Variants in GPR179 observed in about 807,000 individuals in gnomAD.
GPR179 encodes G protein-coupled receptor 179.
Under a neutral mutation model 70.8 loss-of-function variants are expected in GPR179, and 52 were observed. The observed-to-expected ratio is 0.73, with a 90% CI of 0.59 to 0.93. The LOEUF (loss-of-function observed/expected upper bound fraction) is 0.93, where lower values mean the gene tolerates loss of function less well. Among genes scored for constraint, GPR179 ranks in the 40% least tolerant of loss-of-function variants. The pLI is 0.00. For synonymous variants in GPR179, 1,123 were observed against 1,169.0 expected (o/e 0.96, Z 0.80); for missense variants, 2,734 against 2,966.8 (o/e 0.92, Z 1.82).
rs142339805 is a variant in GPR179, at chr17:38,335,009, C to A, written c.1645+24G>T. On this transcript the variant is annotated intron_variant, in intron 7 of 10. Coordinates refer to ENST00000616987, the MANE Select transcript of GPR179 (RefSeq NM_001004334.4). ...CACAGAGGCAGGGACCAGCGTAAGG[C>A]TGGGCTCAGCAGAAGCAGCTCACCC... is the stretch of plus-strand genomic sequence containing the variant. The A allele has an allele frequency of 1.3e-4, 206 of 1,601,054 alleles. 3 individuals are homozygous for A. In the East Asian group the frequency reaches 4.5e-3, roughly 35 times the overall value.
rs1244811108 is a variant in GPR179 at position 38,331,445 on chromosome 17, T to C, written c.2124A>G (p.Arg708=). ...GGCCCAGTCCCTGGCATGAGCTGCC[T>C]CGCTTCTTGGGCAGGTGGGGGTTGT... The part of the protein sequence containing the change: ...AANNPHLPKK[R]GSSCQGLGRS... The change falls in exon 11 of 11, where the codon CGA becomes CGG. Residue 708 remains arginine, a synonymous_variant. Transcript: ENST00000616987. The C allele has an allele frequency of 6.2e-7, 1 of 1,614,182 alleles. No homozygotes were observed. Among genetic ancestry groups the C allele is most frequent in the Non-Finnish European group, 8.5e-7 (1 of 1,180,004 alleles).
rs1567721677 is a variant in GPR179, at chr17:38,326,969, C to T, written c.6600G>A (p.Leu2200=). ...SGGLLPQSGA[L]DPELKVSPKE... ...TGGGGCTGACTTTGAGTTCTGGGTC[C>T]AGGGCACCTGACTGGGGCAAGAGCC... The change falls in exon 11 of 11, where the codon CTG becomes CTA. Residue 2200 remains leucine (L), a synonymous_variant. Coordinates refer to ENST00000616987, the MANE Select transcript of GPR179 (RefSeq NM_001004334.4). 1.2e-6 allele frequency: 2 copies of T among 1,614,114 alleles called. No homozygotes were observed. The highest frequency in any genetic ancestry group is 3.3e-5 in the Admixed American group (2 of 60,024).
chr17:38,329,140 C>T lies in GPR179; in HGVS notation c.4429G>A (p.Glu1477Lys). Residue 1477 changes from glutamate to lysine, a missense_variant, in exon 11 of 11, where the codon GAG becomes AAG. Coordinates refer to ENST00000616987, the MANE Select transcript of GPR179 (RefSeq NM_001004334.4). Reference protein sequence around the residue: ...AGDAPAIQKAEICPWELDDNV... With the variant: ...AGDAPAIQKAKICPWELDDNV... ...TCATCCAGCTCCCAGGGACAGATCT[C>T]TGCTTTCTGGATAGCAGGAGCATCT... 4 of 1,614,092 alleles carry T rather than the reference C, an allele frequency of 2.5e-6. No homozygotes were observed. The highest frequency in any genetic ancestry group is 3.4e-6 in the Non-Finnish European group (4 of 1,180,038).
Position 38,333,318 on chromosome 17 carries a change from C to A in GPR179, c.1970G>T (p.Gly657Val), listed in dbSNP as rs376146660. ...CEDELDLQHS[G>V]SYLGSSIASA... ...GGCGATGCTGCTGCCAAGGTAGGAG[C>A]CTGAGTGCTGCAGGTCCAGCTCGTC... is the stretch of plus-strand genomic sequence containing the variant. Residue 657 changes from glycine to valine, a missense_variant, in exon 10 of 11, where the codon GGC (glycine) becomes GTC (valine). By Grantham distance (109) the Gly-to-Val change is moderately radical (BLOSUM62 -3). Coordinates refer to ENST00000616987, the MANE Select transcript of GPR179 (RefSeq NM_001004334.4). The A allele has an allele frequency of 1.2e-6, 2 of 1,614,008 alleles. No individual in the cohort carries two copies. Among genetic ancestry groups the A allele is most frequent in the Non-Finnish European group, 8.5e-7 (1 of 1,179,966 alleles).
intron 10 of GPR179, among the ~76,000 whole-genome samples, chr17:38,332,419 G>T (rs914215097): frequency 1.3e-5 from 2 of 152,140 alleles, no homozygotes; most frequent in African/African-American, 4.8e-5. Flanking sequence ...TGATCCCCTT[G>T]AGCACAGAAA....
In GPR179 at chr17:38,343,537, C is replaced by T. The variant is rs748572984; in HGVS notation, c.253G>A (p.Ala85Thr). 30 of 1,613,758 alleles carry T rather than the reference C, an allele frequency of 1.9e-5. No individual in the cohort carries two copies. The highest frequency in any genetic ancestry group is 2.5e-5 in the Non-Finnish European group (30 of 1,180,004). Residue 85 changes from alanine (A) to threonine (T), a missense_variant, in exon 1 of 11, where the codon GCA becomes ACA. Transcript: ENST00000616987. The surrounding 1 kb of genome is among the most constrained non-coding windows in gnomAD (Gnocchi z 4.2). ...GGGGGGAGCCCTGGCATGGCTCCTGCCCCACGCGCTTCATAGCGCTCACTG... is the reference window on the plus strand; with the variant it reads ...GGGGGGAGCCCTGGCATGGCTCCTGTCCCACGCGCTTCATAGCGCTCACTG... The part of the protein sequence containing the change: ...NCSERYEARG[A>T]GAMPGLPPSL...
Position 38,335,720 on chromosome 17 carries a change from ATCTCTGCTC to A in GPR179, c.1297-29_1297-21del, listed in dbSNP as rs750710685. 1.5e-5 allele frequency: 23 copies of A among 1,506,778 alleles called. No homozygotes were observed. In the African/African-American group the frequency reaches 2.5e-4, roughly 16 times the overall value. 93.3% of individuals were successfully genotyped at this position (1,506,778 alleles called of 1,614,324 possible). ...GAAGACCTGGTGGGAAGGGGCAAAA[ATCTCTGCTC>A]TCTACTATGCTTCTGCTGTGGGCCA... On this transcript the variant is annotated intron_variant, in intron 5 of 10. Coordinates refer to ENST00000616987, the MANE Select transcript of GPR179 (RefSeq NM_001004334.4).
In GPR179 at chr17:38,335,157, C is replaced by T. The variant is rs1468264279; in HGVS notation, c.1521G>A (p.Val507=). ...CTCGCTCCAGGGCGCCCACGGTCCA[C>T]ACAGCCAGGAAGCCCAGCACAGGTA... ...LLLPVLGFLA[V]WTVGALERGI... Residue 507 remains valine, a synonymous_variant, in exon 7 of 11, where the codon GTG becomes GTA. Transcript: ENST00000616987. 2.5e-6 allele frequency: 4 copies of T among 1,585,846 alleles called. No homozygotes were observed. The highest frequency in any genetic ancestry group is 3.4e-6 in the Non-Finnish European group (4 of 1,166,614).
At chr17:38,332,798 C>A (rs569880729) in intron 10 of GPR179, among the ~76,000 whole-genome samples, 1 of 152,240 alleles carries the variant, frequency 6.6e-6, no homozygotes, top group African/African-American at 2.4e-5. Flanking sequence ...CTAGTAGAGA[C>A]GAGATTTCGC....
chr17:38,328,058 A>T lies in GPR179; in HGVS notation c.5511T>A (p.Ser1837Arg). 3 of 1,613,292 alleles carry T rather than the reference A, an allele frequency of 1.9e-6. No homozygotes were observed. Among genetic ancestry groups the T allele is most frequent in the Non-Finnish European group, 1.7e-6 (2 of 1,179,848 alleles). The change falls in exon 11 of 11, where the codon AGT becomes AGA. Residue 1837 changes from serine (S) to arginine (R), a missense_variant. Transcript: ENST00000616987. ...TGKGLDQKAG[S>R]ESAEQREKAL... ...CTTTCTCCCTCTGCTCTGCTGATTC[A>T]CTCCCTGCCTTTTGGTCCAATCCCT...
intron 6 of GPR179, 121 bp downstream of exon 6, chr17:38,335,470 G>T: frequency 1.2e-6 from 1 of 814,794 alleles, no homozygotes; most frequent in Non-Finnish European, 2.0e-6. Context: ...ATGGGGGTTG[G>T]CCTTGGGGGT....
rs781739751 is a variant in GPR179 at position 38,328,375 on chromosome 17, CT to C, written c.5193del (p.Gly1732AlafsTer48). The C allele has an allele frequency of 1.4e-5, 22 of 1,613,768 alleles. No homozygotes were observed. The highest frequency in any genetic ancestry group is 1.9e-5 in the Non-Finnish European group (22 of 1,179,934). On this transcript the variant is annotated frameshift_variant, in exon 11 of 11. Coordinates refer to ENST00000616987, the MANE Select transcript of GPR179 (RefSeq NM_001004334.4). LOFTEE classifies it low-confidence loss of function (END_TRUNC). ...AEAIRKSPND[T>X]GKVSADLGPR... is the part of the protein sequence containing the mutation. ...GGTCCAAGATCTGCAGAAACCTTGC[CT>C]GTATCATTTGGAGATTTCCTAATGG...
rs77937007 is a variant in GPR179, at chr17:38,343,282, C to G, written c.508G>C (p.Gly170Arg). 1.0e-3 allele frequency: 1,679 copies of G among 1,614,154 alleles called. 21 individuals carry two copies. In the African/African-American group the frequency reaches 0.019, roughly 19 times the overall value. ...AAGTCCTGCAGGATGGTTTCCTCCC[C>G]AGTCCGGGTGGCCTGCAGGGCCAGC... ...LQLALQATRT[G>R]EETILQDLSG... is the part of the protein sequence containing the mutation. The change falls in exon 1 of 11, where the codon GGG becomes CGG. Residue 170 changes from glycine (G) to arginine (R), a missense_variant. By Grantham distance (125) the Gly-to-Arg change is moderately radical. Coordinates refer to ENST00000616987, the MANE Select transcript of GPR179 (RefSeq NM_001004334.4). The surrounding 1 kb of genome is among the most constrained non-coding windows in gnomAD (Gnocchi z 4.2).
At position 38,331,177 on chromosome 17, in the gene GPR179, C is replaced by A. The variant is rs78470373; in HGVS notation, c.2392G>T (p.Ala798Ser). 1.9e-6 allele frequency: 3 copies of A among 1,608,522 alleles called. No homozygotes were observed. Among genetic ancestry groups the A allele is most frequent in the East Asian group, 4.5e-5 (2 of 44,820 alleles). ...GACTCCCGGCTCTCTGTTCGAGAGG[C>A]CTTCTTGGCCAGCTTCCTCCTCAGC... ...SLLRRKLAKK[A>S]SRTESRESVE... The change falls in exon 11 of 11, where the codon GCC (alanine) becomes TCC (serine). Residue 798 changes from alanine to serine, a missense_variant. By Grantham distance (99) the Ala-to-Ser change is moderately conservative. Coordinates refer to ENST00000616987, the MANE Select transcript of GPR179 (RefSeq NM_001004334.4).
Position 38,343,690 on chromosome 17 carries a change from A to G in GPR179, c.100T>C (p.Ser34Pro), listed in dbSNP as rs1335346080. 1.6e-5 allele frequency: 25 copies of G among 1,608,268 alleles called. No individual in the cohort carries two copies. Among genetic ancestry groups the G allele is most frequent in the Non-Finnish European group, 2.1e-5 (25 of 1,176,290 alleles). The stretch of plus-strand genomic sequence containing the variant: ...ACTTGGGAAGACAGAGGGGGCAGAG[A>G]GCGGATGGGCCGTGGACCCCCCAGA... ...WALGGPRPIR[S>P]LPPLSSQVKP... is the part of the protein sequence containing the mutation. The change falls in exon 1 of 11, where the codon TCT (serine) becomes CCT (proline). Residue 34 changes from serine to proline, a missense_variant. By Grantham distance (74) the Ser-to-Pro change is moderately conservative. Transcript: ENST00000616987. This position sits in a 1 kb window ranked among gnomAD's most constrained non-coding sequence, Gnocchi z 4.2.
intron 2 of GPR179, among the ~76,000 whole-genome samples, chr17:38,338,315 A>G (rs2037423420): frequency 6.6e-6 from 1 of 152,252 alleles, no homozygotes; most frequent in Non-Finnish European, 1.5e-5. Flanking sequence ...GGCAGGGGAC[A>G]GAGCAGACCT....
chr17:38,342,552 T>C (rs1319027303), intron 1 of GPR179, among the ~76,000 whole-genome samples: 1 of 152,214 alleles, frequency 6.6e-6, no homozygotes, highest in Admixed American at 6.5e-5. Context: ...TTGGTCAGTC[T>C]GGTCTTGAAC....
intron 2 of GPR179, 31 bp from the exon 3 acceptor site, chr17:38,337,751 A>G (rs772051289): frequency 3.2e-6 from 5 of 1,562,728 alleles, no homozygotes; most frequent in Non-Finnish European, 4.4e-6. Flanking sequence ...GTATGTGTTT[A>G]TGTGGGGCTT....
chr17:38,343,221 C>T lies in GPR179; in HGVS notation c.569G>A (p.Gly190Glu). ...GNWVQEENPP[G>E]DLDTPALKKR... ...CTTCAGGGCAGGGGTGTCCAGGTCC[C>T]CAGGAGGGTTCTCCTCCTGCACCCA... Residue 190 changes from glycine to glutamate, a missense_variant, in exon 1 of 11, where the codon GGG (glycine) becomes GAG (glutamate). Coordinates refer to ENST00000616987, the MANE Select transcript of GPR179 (RefSeq NM_001004334.4). This position sits in a 1 kb window ranked among gnomAD's most constrained non-coding sequence, Gnocchi z 4.2. 6.2e-7 allele frequency: 1 copy of T among 1,614,104 alleles called. No homozygotes were observed. Among genetic ancestry groups the T allele is most frequent in the African/African-American group, 1.3e-5 (1 of 75,046 alleles).
Sources: gnomAD v4.1 joint callset for allele counts (sites outside exome capture counted in the v4.1 genomes callset) on GRCh38, gnomAD v4.1.1 for gene constraint, Gnocchi (gnomAD v3.1) non-coding constraint, MANE v1.5 for transcripts, NCBI Gene and HGNC (gene_info 2026-07-23, HGNC 2026-07-21) for gene names.